Variants in PCDHA4 observed in about 807,000 individuals in gnomAD.
The protein encoded by PCDHA4 is protocadherin alpha-4.
A neutral mutation model predicts 61.4 loss-of-function variants in PCDHA4; 49 were observed. The observed-to-expected ratio is 0.80, with a 90% confidence interval of 0.63 to 1.01. PCDHA4 has a LOEUF of 1.01. Ranked by LOEUF, PCDHA4 falls within the 50% of genes least tolerant of loss-of-function variation. PCDHA4 has a pLI of 0.00. For synonymous variants in PCDHA4, 590 were observed against 550.3 expected (o/e 1.07, Z -1.01); for missense variants, 1,254 against 1,235.8 (o/e 1.01, Z -0.22).
Position 140,869,807 on chromosome 5 carries a change from T to C in PCDHA4, c.2385+60235T>C, listed in dbSNP as rs545569437. ...CGGCTGTTAGTCCAAGTCTTGGATGTCAACGACAATGATCCAGAGTTTGAT... is the reference window on the plus strand; with the variant it reads ...CGGCTGTTAGTCCAAGTCTTGGATGCCAACGACAATGATCCAGAGTTTGAT... On this transcript the variant is annotated intron_variant, in intron 1 of 3. Transcript: ENST00000530339. 8.1e-6 allele frequency: 13 copies of C among 1,612,544 alleles called. No individual in the cohort carries two copies. In the African/African-American group the frequency reaches 1.6e-4, roughly 20 times the overall value.
Position 141,010,126 on chromosome 5 carries a change from C to G in PCDHA4, c.*189C>G, listed in dbSNP as rs2098416139. ...TTTTGTCGTAAAAGCTTTACTAAGT[C>G]TGGTGTTAACTCTTTCTCTCCACTC... On this transcript the variant is annotated 3_prime_UTR_variant, in exon 4 of 4. Coordinates refer to ENST00000530339, the MANE Select transcript of PCDHA4 (RefSeq NM_018907.4). 1 of 1,602,246 alleles carries G rather than the reference C, an allele frequency of 6.2e-7. No homozygotes were observed. The highest frequency in any genetic ancestry group is 8.5e-7 in the Non-Finnish European group (1 of 1,173,654).
At position 140,982,388 on chromosome 5, in the gene PCDHA4, A is replaced by G. The variant is rs868944535; in HGVS notation, c.2445-87A>G. 32 of 1,592,320 alleles carry G rather than the reference A, an allele frequency of 2.0e-5. 1 individual carries two copies. The Middle Eastern group carries it at 4.6e-3, about 226-fold the overall frequency. Reference sequence around the variant, plus strand: ...ATGTGTTAGCTGCAGCCCTGGCTTCATAGTTGTAAGCAATTTCTGAGGGTG... The same window carrying G: ...ATGTGTTAGCTGCAGCCCTGGCTTCGTAGTTGTAAGCAATTTCTGAGGGTG... On this transcript the variant is annotated intron_variant, in intron 2 of 3. Coordinates refer to ENST00000530339, the MANE Select transcript of PCDHA4 (RefSeq NM_018907.4).
At chr5:140,882,332 G>A (rs782439110) in intron 1 of PCDHA4, 1 of 1,614,178 alleles carries the variant, frequency 6.2e-7, no homozygotes, top group Non-Finnish European at 8.5e-7. Flanking sequence ...TCTGATCCTC[G>A]CAGCCTGGGA....
At chr5:141,005,610 G>C (rs1184044588) in intron 3 of PCDHA4, among the ~76,000 whole-genome samples, 1 of 147,582 alleles carries the variant, frequency 6.8e-6, no homozygotes, top group Non-Finnish European at 1.5e-5. Context: ...GCTGAGGCAG[G>C]AGAATGGCGT....
intron 1 of PCDHA4, among the ~76,000 whole-genome samples, chr5:140,839,484 G>A (rs1263127603): frequency 1.3e-5 from 2 of 151,800 alleles, no homozygotes; most frequent in African/African-American, 4.8e-5. Context: ...CTGCCTCCTG[G>A]GCTCAAGTGA....
intron 1 of PCDHA4, chr5:140,836,766 C>A (rs2150269669): frequency 6.4e-7 from 1 of 1,562,092 alleles, no homozygotes; most frequent in South Asian, 1.2e-5. Flanking sequence ...TTGTTTCCAA[C>A]AATTTTAAAA....
intron 1 of PCDHA4, chr5:140,813,268 ACATTCTGAGAATTGTAT>A (rs1765258439): frequency 6.6e-6 from 1 of 152,222 alleles, no homozygotes; most frequent in Non-Finnish European, 1.5e-5. Flanking sequence ...CATTGGAGAT[ACATTCTGAGAATTGTAT>A]CATTCTGAGA....
intron 1 of PCDHA4, among the ~76,000 whole-genome samples, chr5:140,894,629 T>C (rs1406335031): frequency 6.6e-6 from 1 of 152,036 alleles, no homozygotes; most frequent in African/African-American, 2.4e-5. Flanking sequence ...TCTTCTCCAA[T>C]CATATCATTA....
intron 1 of PCDHA4, chr5:140,927,699 G>A (rs155361): frequency 0.52 from 840,731 of 1,613,754 alleles, 221,277 homozygotes; most frequent in African/African-American, 0.71. Context: ...GGGAAGTCCA[G>A]TACTCCCTAA....
chr5:140,828,250 G>T, intron 1 of PCDHA4: 5 of 1,613,982 alleles, frequency 3.1e-6, no homozygotes, highest in Non-Finnish European at 4.2e-6. Flanking sequence ...AGGACCTGGG[G>T]CTGGAGCTGG....
At chr5:140,819,708 A>G (rs1417707772) in intron 1 of PCDHA4, among the ~76,000 whole-genome samples, 4 of 152,120 alleles carry the variant, frequency 2.6e-5, no homozygotes, top group African/African-American at 4.8e-5. Context: ...TTTAAAAAGT[A>G]AATATAATTT....
intron 1 of PCDHA4, chr5:140,824,188 A>G: frequency 1.2e-6 from 2 of 1,604,144 alleles, no homozygotes; most frequent in Non-Finnish European, 1.7e-6. Context: ...TAAATGTCAC[A>G]TTCACCCACT....
chr5:140,883,835 T>C (rs782244088), intron 1 of PCDHA4: 10 of 1,612,448 alleles, frequency 6.2e-6, no homozygotes, highest in East Asian at 4.5e-5. Flanking sequence ...GCTGCAGCCG[T>C]TGGACCACGA....
At chr5:140,969,228 G>A in intron 1 of PCDHA4, 1 of 1,614,176 alleles carries the variant, frequency 6.2e-7, no homozygotes, top group Non-Finnish European at 8.5e-7. Flanking sequence ...GGGCCTTCGG[G>A]AGCCCAAGCA....
chr5:140,819,025 G>A (rs1766475297), intron 1 of PCDHA4, among the ~76,000 whole-genome samples: 2 of 152,122 alleles, frequency 1.3e-5, no homozygotes, highest in African/African-American at 4.8e-5. Flanking sequence ...GGATATTTTA[G>A]CACATTCCCT....
intron 1 of PCDHA4, among the ~76,000 whole-genome samples, chr5:140,846,989 C>G (rs1449097023): frequency 6.7e-6 from 1 of 149,310 alleles, no homozygotes; most frequent in Non-Finnish European, 1.5e-5. Context: ...AAGTTCCCCC[C>G]GGGAGAATAT....
In PCDHA4 at chr5:140,839,940, AAGG is replaced by A. The variant is rs1354823324; in HGVS notation, c.2385+30371_2385+30373del. ...AACCTTGAACAAAGAGTGTGCCAAG[AAGG>A]AGACAACATATTTTCTGTAAAATAT... is the stretch of plus-strand genomic sequence containing the variant. On this transcript the variant is annotated intron_variant, in intron 1 of 3. Coordinates refer to ENST00000530339, the MANE Select transcript of PCDHA4 (RefSeq NM_018907.4). Among the ~76,000 whole-genome samples the A allele has an allele frequency of 2.0e-5, 3 of 152,174 alleles. No homozygotes were observed. In the East Asian group the frequency reaches 5.8e-4, roughly 29 times the overall value.
chr5:140,969,106 A>G, intron 1 of PCDHA4: 1 of 1,614,132 alleles, frequency 6.2e-7, no homozygotes, highest in Non-Finnish European at 8.5e-7. Flanking sequence ...ACTTCATTGA[A>G]GTTCGAGGGA....
At chr5:140,871,852 T>A (rs767921370) in intron 1 of PCDHA4, among the ~76,000 whole-genome samples, 12 of 152,354 alleles carry the variant, frequency 7.9e-5, no homozygotes, top group African/African-American at 2.4e-4. Flanking sequence ...ATTATGACCA[T>A]AATAACTATG....
Sources: gnomAD v4.1 joint callset for allele counts (sites outside exome capture counted in the v4.1 genomes callset) on GRCh38, gnomAD v4.1.1 for gene constraint, MANE v1.5 for transcripts, NCBI Gene and HGNC (gene_info 2026-07-23, HGNC 2026-07-21) for gene names.